STAG1: variants seen among roughly 807,000 people sequenced by gnomAD.
STAG1 encodes cohesin subunit SA-1.
Under a neutral mutation model 170.9 loss-of-function variants are expected in STAG1, and 26 were observed. The ratio of observed to expected loss-of-function variants is 0.15; its 90% CI spans 0.11 to 0.21. STAG1 has a LOEUF of 0.21. STAG1 is among the 10% of genes least tolerant of loss of function. STAG1 has a pLI of 1.00. For missense variants in STAG1, 964 were observed against 1,509.5 expected (o/e 0.64, Z 5.99); for synonymous variants, 514 against 497.7 (o/e 1.03, Z -0.44).
intron 25 of STAG1, among the ~76,000 whole-genome samples, chr3:136,364,053 C>T (rs188000813): frequency 0.01 from 1,553 of 151,840 alleles, 15 homozygotes; most frequent in Non-Finnish European, 0.015. Flanking sequence ...AGCCACTGCA[C>T]CTGGCCTTCT....
rs557681201 is a variant in STAG1, at chr3:136,682,050, A to G, written c.-83-51069T>C. 3.3e-5 allele frequency among the ~76,000 whole-genome samples: 5 copies of G among 152,306 alleles called. No individual in the cohort carries two copies. In the South Asian group the frequency reaches 1.0e-3, roughly 32 times the overall value. ...ACAACTAGGCAGGAAAATGAAATAA[A>G]AAACATCCAAATTTTAAAAAAAAGA... On this transcript the variant is annotated intron_variant, in intron 1 of 33. Coordinates refer to ENST00000383202, the MANE Select transcript of STAG1 (RefSeq NM_005862.3).
At chr3:136,690,056 C>CAAAAAAAAAAAAAAAAAAAAAAGAAAAAA (rs1942669339) in intron 1 of STAG1, among the ~76,000 whole-genome samples, 6 of 56,406 alleles carry the variant, frequency 1.1e-4, no homozygotes, top group Admixed American at 2.1e-4. Flanking sequence ...AAAAGCAAAC[C>CAAAAAAAAAAAAAAAAAAAAAAGAAAAAA]AAAAAAAAAA....
At chr3:136,732,632 C>CA (rs1197292194) in intron 1 of STAG1, among the ~76,000 whole-genome samples, 2 of 152,134 alleles carry the variant, frequency 1.3e-5, no homozygotes, top group Non-Finnish European at 2.9e-5. Context: ...GTTTTTGAGA[C>CA]AGAGTCTTGC....
chr3:136,446,912 T>C (rs2088797585), intron 14 of STAG1, among the ~76,000 whole-genome samples: 2 of 151,950 alleles, frequency 1.3e-5, no homozygotes. Context: ...GCAATTCTCC[T>C]GCCTCAGCCT....
intron 3 of STAG1, among the ~76,000 whole-genome samples, chr3:136,610,509 T>G (rs1347869388): frequency 2.0e-5 from 3 of 152,200 alleles, no homozygotes; most frequent in Non-Finnish European, 4.4e-5. Flanking sequence ...GTGTATATGC[T>G]TTTAACTGAA....
intron 6 of STAG1, among the ~76,000 whole-genome samples, chr3:136,534,154 G>A (rs1399503964): frequency 2.0e-5 from 3 of 152,094 alleles, no homozygotes; most frequent in Non-Finnish European, 4.4e-5. Context: ...TATACACTGC[G>A]GGATGGACAC....
At chr3:136,457,283 C>T (rs1247284480) in intron 13 of STAG1, among the ~76,000 whole-genome samples, 7 of 152,156 alleles carry the variant, frequency 4.6e-5, no homozygotes, top group Admixed American at 4.6e-4. Flanking sequence ...GGAATGTGCG[C>T]AGACTTGTTG....
intron 13 of STAG1, among the ~76,000 whole-genome samples, chr3:136,458,907 A>C (rs536790188): frequency 2.0e-5 from 3 of 152,224 alleles, no homozygotes; most frequent in Non-Finnish European, 2.9e-5. Flanking sequence ...AATAGACTTT[A>C]AGTCAAGAAT....
At position 136,475,760 on chromosome 3, in the gene STAG1, T is replaced by C. The variant is rs529630401; in HGVS notation, c.1026+1529A>G. ...TCTACACTGGAGGGAGCAGAGCAAA[T>C]AGTAACTGTAAAAACTGTGAAGTTA... On this transcript the variant is annotated intron_variant, in intron 10 of 33. Coordinates refer to ENST00000383202, the MANE Select transcript of STAG1 (RefSeq NM_005862.3). Among the ~76,000 whole-genome samples, 88 of 152,284 alleles carry C rather than the reference T, an allele frequency of 5.8e-4. 1 individual carries two copies. In the South Asian group the frequency reaches 0.017, roughly 30 times the overall value.
chr3:136,681,969 A>C (rs1942351307), intron 1 of STAG1, among the ~76,000 whole-genome samples: 1 of 152,214 alleles, frequency 6.6e-6, no homozygotes, highest in African/African-American at 2.4e-5. Context: ...GAAAGAGGGC[A>C]AGGATGGCCA....
At chr3:136,477,078 T>C (rs998161205) in intron 10 of STAG1, among the ~76,000 whole-genome samples, 5 of 152,168 alleles carry the variant, frequency 3.3e-5, no homozygotes, top group African/African-American at 1.2e-4. Flanking sequence ...TTCAAGACAA[T>C]ATTGTAACTA....
intron 9 of STAG1, among the ~76,000 whole-genome samples, chr3:136,485,217 G>A (rs2089982246): frequency 6.6e-6 from 1 of 152,104 alleles, no homozygotes; most frequent in Non-Finnish European, 1.5e-5. Context: ...CAGCACTTTG[G>A]GAGGCTGAGG....
rs188484928 is a variant in STAG1, at chr3:136,368,149, T to C, written c.2545+959A>G. Among the ~76,000 whole-genome samples the C allele has an allele frequency of 2.6e-3, 391 of 152,318 alleles. 3 individuals carry two copies. Among genetic ancestry groups the C allele is most frequent in the Admixed American group, 0.012 (180 of 15,278 alleles). ...GTAAATTTGTCTCCTGAGATGAATA[T>C]AGACTCTAAATAAACATACTGTTTC... On this transcript the variant is annotated intron_variant, in intron 24 of 33. Coordinates refer to ENST00000383202, the MANE Select transcript of STAG1 (RefSeq NM_005862.3).
intron 1 of STAG1, among the ~76,000 whole-genome samples, chr3:136,661,940 T>C (rs1941595957): frequency 6.6e-6 from 1 of 152,186 alleles, no homozygotes; most frequent in Non-Finnish European, 1.5e-5. Context: ...ATGATCTAAC[T>C]CAGATAGTCT....
intron 1 of STAG1, among the ~76,000 whole-genome samples, chr3:136,743,773 G>A (rs749002224): frequency 1.3e-5 from 2 of 151,940 alleles, no homozygotes; most frequent in African/African-American, 4.8e-5. Context: ...ACCTGACAAA[G>A]ACATTACAAT....
chr3:136,369,874 G>C (rs147027480), intron 23 of STAG1, among the ~76,000 whole-genome samples: 1 of 152,222 alleles, frequency 6.6e-6, no homozygotes, highest in Non-Finnish European at 1.5e-5. Flanking sequence ...ATCACCTAGT[G>C]ATGTAGTAAC....
At chr3:136,373,929 T>A (rs1287100162) in intron 23 of STAG1, among the ~76,000 whole-genome samples, 1 of 152,168 alleles carries the variant, frequency 6.6e-6, no homozygotes, top group African/African-American at 2.4e-5. Context: ...CTGTCTAATA[T>A]TGACAGTGGG....
intron 5 of STAG1, among the ~76,000 whole-genome samples, chr3:136,561,167 A>T (rs1300720680): frequency 6.6e-6 from 1 of 152,190 alleles, no homozygotes; most frequent in Non-Finnish European, 1.5e-5. Flanking sequence ...AATACAAAAA[A>T]ATTTCCCCCA....
At chr3:136,472,900 G>A (rs1429691736) in intron 11 of STAG1, among the ~76,000 whole-genome samples, 2 of 152,042 alleles carry the variant, frequency 1.3e-5, no homozygotes, top group South Asian at 2.1e-4. Flanking sequence ...TAAAAGCAGG[G>A]GTCCCCAATC....
Sources: gnomAD v4.1 joint callset for allele counts (sites outside exome capture counted in the v4.1 genomes callset) on GRCh38, gnomAD v4.1.1 for gene constraint, MANE v1.5 for transcripts, NCBI Gene and HGNC (gene_info 2026-07-23, HGNC 2026-07-21) for gene names.